The following ANO10 variants were observed in gnomAD, a reference collection of about 807,000 sequenced individuals.
The protein encoded by ANO10 is anoctamin 10.
Under a neutral mutation model 74.7 loss-of-function variants are expected in ANO10, and 77 were observed. That is an observed-to-expected ratio of 1.03 (90% CI 0.86 to 1.25). The LOEUF (loss-of-function observed/expected upper bound fraction) is 1.25, where lower values mean the gene tolerates loss of function less well. Ranked by LOEUF, ANO10 falls within the 50% of genes most tolerant of loss-of-function variation. The probability of loss-of-function intolerance (pLI) is 0.00; values close to 1 mark genes in which losing one functional copy is unlikely to be tolerated. For missense variants in ANO10, 721 were observed against 778.1 expected (o/e 0.93, Z 0.87); for synonymous variants, 279 against 284.9 (o/e 0.98, Z 0.21).
chr3:43,463,845 T>C (rs1305257449), intron 11 of ANO10, among the ~76,000 whole-genome samples: 2 of 152,134 alleles, frequency 1.3e-5, no homozygotes, highest in Non-Finnish European at 2.9e-5. Flanking sequence ...CAGAATGATA[T>C]GGTTTGGCTG....
chr3:43,504,876 G>A (rs147930081), intron 11 of ANO10, among the ~76,000 whole-genome samples: 46 of 152,148 alleles, frequency 3.0e-4, no homozygotes, highest in Non-Finnish European at 4.0e-4. Flanking sequence ...TCCTGACCTC[G>A]TAATCCTCCC....
intron 11 of ANO10, among the ~76,000 whole-genome samples, chr3:43,538,073 C>T (rs2078793904): frequency 6.6e-6 from 1 of 152,060 alleles, no homozygotes; most frequent in Non-Finnish European, 1.5e-5. Context: ...TTTCACCAAA[C>T]CCAAAATACA....
intron 1 of ANO10, among the ~76,000 whole-genome samples, chr3:43,684,408 A>G (rs909805081): frequency 7.9e-5 from 12 of 152,198 alleles, no homozygotes; most frequent in Admixed American, 5.9e-4. Context: ...TTAGAATGGC[A>G]ATCATTAAAA....
chr3:43,428,556 T>C (rs528836509), intron 12 of ANO10, among the ~76,000 whole-genome samples: 1 of 152,146 alleles, frequency 6.6e-6, no homozygotes, highest in South Asian at 2.1e-4. Flanking sequence ...CTATGAACGT[T>C]CTATTAGAAA....
intron 11 of ANO10, among the ~76,000 whole-genome samples, chr3:43,501,691 C>T (rs2077105795): frequency 6.6e-6 from 1 of 152,142 alleles, no homozygotes. Context: ...TCTACTTTGC[C>T]ACACAGCCCA....
intron 1 of ANO10, among the ~76,000 whole-genome samples, chr3:43,621,468 G>T (rs1346729035): frequency 6.6e-6 from 1 of 151,872 alleles, no homozygotes; most frequent in Non-Finnish European, 1.5e-5. Flanking sequence ...AAGAACCCCG[G>T]GACCCGCGAG....
chr3:43,383,524 G>GT (rs1046140276), intron 12 of ANO10, among the ~76,000 whole-genome samples: 7 of 151,190 alleles, frequency 4.6e-5, no homozygotes, highest in Non-Finnish European at 1.0e-4. Context: ...TGCAGGGATG[G>GT]TTTAACATCT....
intron 11 of ANO10, among the ~76,000 whole-genome samples, chr3:43,545,152 C>T (rs909962664): frequency 6.6e-6 from 1 of 151,784 alleles, no homozygotes; most frequent in African/African-American, 2.4e-5. Context: ...CTTATAGGGG[C>T]CATGAATAAA....
At chr3:43,377,724 A>G (rs1434437719) in intron 12 of ANO10, among the ~76,000 whole-genome samples, 1 of 152,206 alleles carries the variant, frequency 6.6e-6, no homozygotes, top group African/African-American at 2.4e-5. Flanking sequence ...GACACCAAGC[A>G]CAAGTGGCTG....
chr3:43,643,804 C>A (rs778459187), intron 1 of ANO10, among the ~76,000 whole-genome samples: 2 of 151,318 alleles, frequency 1.3e-5, no homozygotes, highest in Non-Finnish European at 2.9e-5. Flanking sequence ...CTGCCTCAGC[C>A]TCCTGAGTAG....
At chr3:43,576,430 A>C (rs2080997449) in intron 6 of ANO10, among the ~76,000 whole-genome samples, 1 of 152,210 alleles carries the variant, frequency 6.6e-6, no homozygotes, top group Non-Finnish European at 1.5e-5. Flanking sequence ...ACCCTTGAGA[A>C]GGTGATGGTG....
intron 11 of ANO10, among the ~76,000 whole-genome samples, chr3:43,448,105 A>G (rs1559553795): frequency 1.3e-5 from 2 of 152,192 alleles, no homozygotes; most frequent in South Asian, 4.1e-4. Flanking sequence ...TCTGTCTACC[A>G]CATGAGGATT....
chr3:43,452,917 A>G (rs769067768), intron 11 of ANO10, among the ~76,000 whole-genome samples: 1 of 152,218 alleles, frequency 6.6e-6, no homozygotes, highest in Non-Finnish European at 1.5e-5. Context: ...TTTGATCTGT[A>G]GTTCCCTGAT....
At chr3:43,574,223 T>C (rs2080886011) in intron 7 of ANO10, among the ~76,000 whole-genome samples, 1 of 150,794 alleles carries the variant, frequency 6.6e-6, no homozygotes, top group Non-Finnish European at 1.5e-5. Context: ...CCCAAAGTGC[T>C]GGGATTACAG....
chr3:43,582,538 A>C (rs1038980504), intron 4 of ANO10, among the ~76,000 whole-genome samples: 13 of 152,370 alleles, frequency 8.5e-5, no homozygotes, highest in Non-Finnish European at 1.3e-4. Context: ...AAATCTTCAG[A>C]GTAACTTAAA....
At chr3:43,450,434 G>A (rs977772301) in intron 11 of ANO10, among the ~76,000 whole-genome samples, 6 of 152,066 alleles carry the variant, frequency 3.9e-5, no homozygotes, top group Non-Finnish European at 5.9e-5. Context: ...CCAGCTACTC[G>A]GGACGCTGAG....
chr3:43,612,219 TTCTG>T (rs1435308194), intron 1 of ANO10, among the ~76,000 whole-genome samples: 1 of 139,530 alleles, frequency 7.2e-6, no homozygotes, highest in Non-Finnish European at 1.5e-5. Context: ...TTTGCCTTCT[TTCTG>T]TATTATTTCT....
intron 12 of ANO10, among the ~76,000 whole-genome samples, chr3:43,411,756 T>G (rs1478350945): frequency 1.3e-5 from 2 of 152,176 alleles, no homozygotes; most frequent in African/African-American, 4.8e-5. Flanking sequence ...TGCCTCAGTC[T>G]GTATTTTGGG....
At chr3:43,499,197 G>C (rs78817673) in intron 11 of ANO10, among the ~76,000 whole-genome samples, 2 of 151,976 alleles carry the variant, frequency 1.3e-5, no homozygotes, top group African/African-American at 4.8e-5. Flanking sequence ...AAATAAACTC[G>C]GCAAGTATTT....
Sources: gnomAD v4.1 joint callset for allele counts (sites outside exome capture counted in the v4.1 genomes callset) on GRCh38, gnomAD v4.1.1 for gene constraint, MANE v1.5 for transcripts, NCBI Gene and HGNC (gene_info 2026-07-23, HGNC 2026-07-21) for gene names.